NCAN: variants seen among roughly 807,000 people sequenced by gnomAD.
NCAN encodes neurocan core protein.
NCAN carries 47 observed loss-of-function variants against 121.8 expected under a neutral mutation model. The ratio of observed to expected loss-of-function variants is 0.39; its 90% CI spans 0.31 to 0.49. The LOEUF is 0.49. Ranked by LOEUF, NCAN falls within the 20% of genes least tolerant of loss-of-function variation. The probability of loss-of-function intolerance (pLI) is 0.92; values close to 1 mark genes in which losing one functional copy is unlikely to be tolerated. For synonymous variants in NCAN, 633 were observed against 702.0 expected, an observed-to-expected ratio of 0.90 and a Z score of 1.55; for missense variants, 1,517 against 1,773.4, an observed-to-expected ratio of 0.86 and a Z score of 2.60.
Position 19,249,840 on chromosome 19 carries a change from C to G in NCAN, c.3895C>G (p.Arg1299Gly), listed in dbSNP as rs774706035. 5.6e-6 allele frequency: 9 copies of G among 1,613,880 alleles called. No homozygotes were observed. The highest frequency in any genetic ancestry group is 5.9e-6 in the Non-Finnish European group (7 of 1,180,022). ...CCACCAGCATCACCACCACAAATCC[C>G]GCAAGGAGCGCAGAAAACACAAGAA... is the stretch of plus-strand genomic sequence containing the variant. Reference protein sequence around the residue: ...HHHQHHHHKSRKERRKHKKHP... With the variant: ...HHHQHHHHKSGKERRKHKKHP... Residue 1299 changes from arginine to glycine, a missense_variant, in exon 15 of 15, where the codon CGC becomes GGC. Physicochemically the swap from Arg to Gly is moderately radical, Grantham distance 125. Transcript: ENST00000252575.
chr19:19,215,534 G>A (rs1464886804), intron 1 of NCAN, among the ~76,000 whole-genome samples: 1 of 152,160 alleles, frequency 6.6e-6, no homozygotes, highest in Non-Finnish European at 1.5e-5. Context: ...ATAGGGAAAT[G>A]GACCCACAAC....
At chr19:19,214,735 TG>T (rs2060790068) in intron 1 of NCAN, among the ~76,000 whole-genome samples, 7 of 149,570 alleles carry the variant, frequency 4.7e-5, no homozygotes, top group Admixed American at 4.0e-4. Context: ...GGGGTGTGTG[TG>T]TGTGTGTGTG....
chr19:19,246,651 A>G (rs950055515), intron 13 of NCAN, among the ~76,000 whole-genome samples: 4 of 152,064 alleles, frequency 2.6e-5, no homozygotes, highest in African/African-American at 9.6e-5. Flanking sequence ...CTCCTGCCTC[A>G]GCCTCCCGAG....
rs140117865 is a variant in NCAN at position 19,227,612 on chromosome 19, C to T, written c.1992C>T (p.Thr664=). The T allele has an allele frequency of 4.0e-5, 64 of 1,613,878 alleles. No individual in the cohort carries two copies. The highest frequency in any genetic ancestry group is 2.7e-5 in the African/African-American group (2 of 75,036). The part of the protein sequence containing the change: ...ANRVEAHGEA[T]ATAPPSPAAE... Reference sequence around the variant, plus strand: ...GAGTTGAGGCACATGGTGAGGCCACCGCCACGGCTCCACCCTCCCCTGCTG... The same window carrying T: ...GAGTTGAGGCACATGGTGAGGCCACTGCCACGGCTCCACCCTCCCCTGCTG... Residue 664 remains threonine, a synonymous_variant, in exon 8 of 15, where the codon ACC becomes ACT. Coordinates refer to ENST00000252575, the MANE Select transcript of NCAN (RefSeq NM_004386.3). This position sits in a 1 kb window ranked among gnomAD's most constrained non-coding sequence, Gnocchi z 4.2.
intron 3 of NCAN, among the ~76,000 whole-genome samples, chr19:19,223,710 T>C (rs2060824873): frequency 6.6e-6 from 1 of 152,162 alleles, no homozygotes; most frequent in Non-Finnish European, 1.5e-5. Context: ...TGACCTAAAG[T>C]GATCTGCCCA....
intron 3 of NCAN, among the ~76,000 whole-genome samples, chr19:19,220,179 C>T (rs2060811239): frequency 6.6e-6 from 1 of 151,990 alleles, no homozygotes; most frequent in African/African-American, 2.4e-5. Context: ...TGGAGTCTCA[C>T]TCTTGTTGCC....
Position 19,228,531 on chromosome 19 carries a change from C to T in NCAN, c.2911C>T (p.Leu971=), listed in dbSNP as rs1443611963. The stretch of plus-strand genomic sequence containing the variant: ...CACCCTGGGCATAGAGGACTTCGAA[C>T]TGGAGGTCCTGGCAGGGAGCCCGGG... ...PVTLGIEDFE[L]EVLAGSPGVE... is the part of the protein sequence containing the mutation. Residue 971 remains leucine (L), a synonymous_variant, in exon 8 of 15, where the codon CTG becomes TTG. Coordinates refer to ENST00000252575, the MANE Select transcript of NCAN (RefSeq NM_004386.3). 2.5e-6 allele frequency: 4 copies of T among 1,613,250 alleles called. No individual in the cohort carries two copies. The highest frequency in any genetic ancestry group is 1.1e-5 in the South Asian group (1 of 91,090).
rs753058847 is a variant in NCAN at position 19,228,230 on chromosome 19, G to A, written c.2610G>A (p.Val870=). Residue 870 remains valine, a synonymous_variant, in exon 8 of 15, where the codon GTG becomes GTA. Transcript: ENST00000252575. ...AGGTGGCCCTGGATACAAGCATTGT[G>A]ACGCCCCTCACGACCCTGGAGCAGG... is the stretch of plus-strand genomic sequence containing the variant. ...SPQVALDTSI[V]TPLTTLEQGD... is the part of the protein sequence containing the mutation. 2.5e-6 allele frequency: 4 copies of A among 1,613,936 alleles called. No individual in the cohort carries two copies. Among genetic ancestry groups the A allele is most frequent in the Non-Finnish European group, 3.4e-6 (4 of 1,180,032 alleles).
chr19:19,225,234 T>A lies in NCAN; in HGVS notation c.1036T>A (p.Ser346Thr), dbSNP rs1486772814. The change falls in exon 6 of 15, where the codon TCA (serine) becomes ACA (threonine). Residue 346 changes from serine (S) to threonine (T), a missense_variant. Physicochemically the swap from Ser to Thr is moderately conservative, Grantham distance 58. Transcript: ENST00000252575. The surrounding 1 kb of genome is among the most constrained non-coding windows in gnomAD (Gnocchi z 4.0). ...CTTCGCTAACCGGACCGGCTTCCCC[T>A]CACCCGCCGAGCGCTTCGACGCCTA... ...YRFANRTGFP[S>T]PAERFDAYCF... The A allele has an allele frequency of 1.3e-6, 2 of 1,570,116 alleles. No homozygotes were observed. Among genetic ancestry groups the A allele is most frequent in the Non-Finnish European group, 8.6e-7 (1 of 1,169,006 alleles).
chr19:19,231,930 T>C (rs2060861512), intron 8 of NCAN, among the ~76,000 whole-genome samples: 1 of 151,546 alleles, frequency 6.6e-6, no homozygotes, highest in Non-Finnish European at 1.5e-5. Flanking sequence ...CAGTGAGCTA[T>C]GATCATGCAA....
In NCAN at chr19:19,240,861, T is replaced by G. The variant is rs529240005; in HGVS notation, c.3492+176T>G. Among the ~76,000 whole-genome samples, 12 of 152,272 alleles carry G rather than the reference T, an allele frequency of 7.9e-5. 1 individual carries two copies. The South Asian group carries it at 2.5e-3, about 32-fold the overall frequency. On this transcript the variant is annotated intron_variant, in intron 12 of 14. Coordinates refer to ENST00000252575, the MANE Select transcript of NCAN (RefSeq NM_004386.3). ...TGAAGGCTAAACCTTCTCCCCTGACTTCCCCAGCCCAAGTAAACAGACCGC... is the reference window on the plus strand; with the variant it reads ...TGAAGGCTAAACCTTCTCCCCTGACGTCCCCAGCCCAAGTAAACAGACCGC...
chr19:19,214,657 C>T (rs954765131), intron 1 of NCAN, among the ~76,000 whole-genome samples: 3 of 151,644 alleles, frequency 2.0e-5, no homozygotes, highest in Non-Finnish European at 4.4e-5. Flanking sequence ...AACTGAGGCA[C>T]AGAGAGATTG....
At chr19:19,231,366 C>T (rs141225885) in intron 8 of NCAN, among the ~76,000 whole-genome samples, 61 of 149,600 alleles carry the variant, frequency 4.1e-4, no homozygotes, top group African/African-American at 1.4e-3. Flanking sequence ...AGTCTTTCTC[C>T]GTCGCCCAGG....
intron 8 of NCAN, among the ~76,000 whole-genome samples, chr19:19,231,037 C>A (rs952747578): frequency 6.6e-6 from 1 of 151,876 alleles, no homozygotes; most frequent in Non-Finnish European, 1.5e-5. Context: ...TGAGCCGTAG[C>A]GCCGGGCAGT....
Position 19,221,689 on chromosome 19 carries a change from C to T in NCAN, c.476-2332C>T, listed in dbSNP as rs975233067. 4.6e-5 allele frequency among the ~76,000 whole-genome samples: 7 copies of T among 152,136 alleles called. No homozygotes were observed. In the South Asian group the frequency reaches 1.5e-3, roughly 32 times the overall value. Reference sequence around the variant, plus strand: ...TTGCTTGAGCCCAGGAGTTCAAGACCAGTCTGAGCAAGATGGTGAGACCTC... The same window carrying T: ...TTGCTTGAGCCCAGGAGTTCAAGACTAGTCTGAGCAAGATGGTGAGACCTC... On this transcript the variant is annotated intron_variant, in intron 3 of 14. Transcript: ENST00000252575.
intron 3 of NCAN, among the ~76,000 whole-genome samples, chr19:19,222,403 G>A (rs1172443227): frequency 6.6e-6 from 1 of 152,186 alleles, no homozygotes; most frequent in African/African-American, 2.4e-5. Context: ...TTCAGCCTCT[G>A]GAGTAGCTGG....
chr19:19,228,448 C>T lies in NCAN; in HGVS notation c.2828C>T (p.Ser943Leu), dbSNP rs1304603352. Residue 943 changes from serine (S) to leucine (L), a missense_variant, in exon 8 of 15, where the codon TCA becomes TTA. By Grantham distance (145) the Ser-to-Leu change is moderately radical. Coordinates refer to ENST00000252575, the MANE Select transcript of NCAN (RefSeq NM_004386.3). ...PTAASVGESA[S>L]VSSGEPTVPW... The stretch of plus-strand genomic sequence containing the variant: ...GCAGCCAGTGTGGGCGAGTCTGCCT[C>T]AGTTTCCTCAGGGGAGCCTACGGTA... The T allele has an allele frequency of 5.6e-6, 9 of 1,613,542 alleles. No individual in the cohort carries two copies. Among genetic ancestry groups the T allele is most frequent in the Admixed American group, 1.7e-5 (1 of 60,004 alleles).
intron 12 of NCAN, among the ~76,000 whole-genome samples, chr19:19,243,909 C>T (rs146702224): frequency 6.6e-6 from 1 of 151,266 alleles, no homozygotes; most frequent in Admixed American, 6.6e-5. Context: ...GCCTGTAATC[C>T]CAGCTACTCA....
chr19:19,238,117 AG>A lies in NCAN; in HGVS notation c.3251-134del, dbSNP rs1377305830. On this transcript the variant is annotated intron_variant, in intron 10 of 14. Transcript: ENST00000252575. ...GAGCAGAGCCTCAGGAGGAGGGGCC[AG>A]GCATGGGGAGAGGGGTGATTTCGCC... 1.3e-5 allele frequency: 14 copies of A among 1,074,366 alleles called. No individual in the cohort carries two copies. The African/African-American group carries it at 2.2e-4, about 17-fold the overall frequency. 66.6% of individuals were successfully genotyped at this position (1,074,366 alleles called of 1,614,324 possible).
Sources: gnomAD v4.1 joint callset for allele counts (sites outside exome capture counted in the v4.1 genomes callset) on GRCh38, gnomAD v4.1.1 for gene constraint, Gnocchi (gnomAD v3.1) non-coding constraint, MANE v1.5 for transcripts, NCBI Gene and HGNC (gene_info 2026-07-23, HGNC 2026-07-21) for gene names.